Variants in BIRC6 observed in about 807,000 individuals in gnomAD.
The protein encoded by BIRC6 is baculoviral IAP repeat containing 6.
BIRC6 carries 98 observed loss-of-function variants against 503.3 expected under a neutral mutation model. The observed-to-expected ratio is 0.19, with a 90% CI of 0.17 to 0.23. The LOEUF (loss-of-function observed/expected upper bound fraction) is 0.23. BIRC6 is among the 10% of genes least tolerant of loss of function. BIRC6 has a pLI of 1.00. For missense variants in BIRC6, 5,360 were observed against 5,806.0 expected (o/e 0.92, Z 2.50); for synonymous variants, 2,240 against 2,078.7 (o/e 1.08, Z -2.11).
chr2:32,417,568 A>T (rs1269953669), intron 10 of BIRC6, among the ~76,000 whole-genome samples: 1 of 152,176 alleles, frequency 6.6e-6, no homozygotes, highest in Non-Finnish European at 1.5e-5. Flanking sequence ...GGACTAGGAG[A>T]TAGTTGAAGC....
chr2:32,470,323 CT>C, intron 31 of BIRC6, 22 bp downstream of exon 31: 1 of 1,521,136 alleles, frequency 6.6e-7, no homozygotes, highest in Non-Finnish European at 8.8e-7. Context: ...AAGCAGTGTT[CT>C]TTAGTAAAAA....
rs560251664 is a variant in BIRC6, at chr2:32,480,621, C to CTTTTTTTTTTTTTTTTTTTT, written c.7409-681_7409-662dup. On this transcript the variant is annotated intron_variant, in intron 37 of 73. Transcript: ENST00000421745. ...CATAACAGAAAAATAAGGTAAATGG[C>CTTTTTTTTTTTTTTTTTTTT]TTTTTTTTTTTTTTTTTTTTTTTTT... 1.2e-4 allele frequency among the ~76,000 whole-genome samples: 7 copies of CTTTTTTTTTTTTTTTTTTTT among 60,742 alleles called. 1 individual carries two copies. The highest frequency in any genetic ancestry group is 1.5e-4 in the Non-Finnish European group (5 of 34,004). 39.8% of individuals were successfully genotyped at this position (60,742 alleles called of 152,430 possible). A position where few individuals can be genotyped will look rare whatever the true frequency, so the allele number is the denominator to read the frequency against.
At chr2:32,561,453 A>G (rs553345210) in intron 65 of BIRC6, among the ~76,000 whole-genome samples, 1 of 151,796 alleles carries the variant, frequency 6.6e-6, no homozygotes, top group East Asian at 2.0e-4. Flanking sequence ...TTAACCAGGC[A>G]GGTCTGCAAC....
At chr2:32,610,449 A>C (rs953100789) in intron 72 of BIRC6, among the ~76,000 whole-genome samples, 2 of 152,244 alleles carry the variant, frequency 1.3e-5, no homozygotes, top group African/African-American at 4.8e-5. Context: ...ATAAAATCCC[A>C]TCTATAAATT....
At chr2:32,375,924 G>A (rs1472318674) in intron 1 of BIRC6, among the ~76,000 whole-genome samples, 2 of 152,038 alleles carry the variant, frequency 1.3e-5, no homozygotes, top group Non-Finnish European at 2.9e-5. Context: ...AGTGGCTCAC[G>A]CCTATAATCC....
intron 9 of BIRC6, among the ~76,000 whole-genome samples, chr2:32,409,062 A>T (rs1403755817): frequency 3.3e-5 from 5 of 152,208 alleles, no homozygotes; most frequent in Non-Finnish European, 5.9e-5. Flanking sequence ...ATCAGAGCAT[A>T]TCCAATTTGG....
intron 10 of BIRC6, among the ~76,000 whole-genome samples, chr2:32,427,174 C>T (rs2043600339): frequency 2.0e-5 from 3 of 151,986 alleles, no homozygotes; most frequent in African/African-American, 7.2e-5. Context: ...AAGTTTTTGC[C>T]CATTATTTTT....
At chr2:32,587,563 A>G (rs1007263086) in intron 66 of BIRC6, among the ~76,000 whole-genome samples, 1 of 151,990 alleles carries the variant, frequency 6.6e-6, no homozygotes, top group African/African-American at 2.4e-5. Context: ...GTCTCTACTA[A>G]TAATACAAAA....
chr2:32,487,884 A>C, intron 41 of BIRC6, 83 bp downstream of exon 41: 2 of 1,179,784 alleles, frequency 1.7e-6, no homozygotes, highest in Non-Finnish European at 1.2e-6. Context: ...AGTTCATTCT[A>C]ATCCTGTCAG....
chr2:32,422,071 GTC>G (rs1341733648), intron 10 of BIRC6, among the ~76,000 whole-genome samples: 1 of 152,056 alleles, frequency 6.6e-6, no homozygotes, highest in Non-Finnish European at 1.5e-5. Context: ...ATATTCCTCT[GTC>G]TCTATTTTGT....
intron 20 of BIRC6, among the ~76,000 whole-genome samples, chr2:32,445,108 C>A (rs2045817046): frequency 6.6e-6 from 1 of 152,188 alleles, no homozygotes; most frequent in African/African-American, 2.4e-5. Context: ...CTGCCATCCA[C>A]TATTTTTTAA....
intron 53 of BIRC6, among the ~76,000 whole-genome samples, chr2:32,511,626 G>A (rs1159082293): frequency 4.0e-5 from 6 of 151,250 alleles, no homozygotes; most frequent in African/African-American, 1.2e-4. Flanking sequence ...CACCGCACCC[G>A]GCCAACTTGA....
At chr2:32,391,962 T>C in intron 4 of BIRC6, 77 bp from the exon 5 acceptor site, 1 of 971,884 alleles carries the variant, frequency 1.0e-6, no homozygotes, top group South Asian at 1.8e-5. Context: ...AGTAAAATTA[T>C]TTTTTGCATT....
chr2:32,589,467 C>T (rs565727487), intron 66 of BIRC6, among the ~76,000 whole-genome samples: 1 of 152,264 alleles, frequency 6.6e-6, no homozygotes, highest in South Asian at 2.1e-4. Context: ...TAAGCTGGAT[C>T]TTCTAGCACT....
At chr2:32,521,365 C>CA (rs35410265) in intron 57 of BIRC6, among the ~76,000 whole-genome samples, 4,519 of 21,488 alleles carry the variant, frequency 0.21, 1,717 homozygotes, top group East Asian at 0.52. Flanking sequence ...GACCTCATCT[C>CA]AAAAAAAAAA....
chr2:32,491,584 T>A, intron 44 of BIRC6, 26 bp downstream of exon 44: 1 of 1,605,618 alleles, frequency 6.2e-7, no homozygotes, highest in Non-Finnish European at 8.5e-7. Flanking sequence ...GCCTGGCATA[T>A]GCCCAGACTA....
intron 73 of BIRC6, among the ~76,000 whole-genome samples, chr2:32,615,161 A>G (rs1387504483): frequency 2.6e-5 from 4 of 152,136 alleles, no homozygotes; most frequent in Non-Finnish European, 5.9e-5. Context: ...GACAGCACCA[A>G]TCCATGAGGA....
intron 65 of BIRC6, chr2:32,557,655 T>G (rs2058872441): frequency 6.6e-6 from 1 of 152,272 alleles, no homozygotes; most frequent in African/African-American, 2.4e-5. Context: ...TAAATCTTTC[T>G]TGTTAGAGCC....
chr2:32,373,041 C>G (rs1438393486), intron 1 of BIRC6, among the ~76,000 whole-genome samples: 1 of 152,096 alleles, frequency 6.6e-6, no homozygotes, highest in African/African-American at 2.4e-5. Flanking sequence ...TGTGGCTGTA[C>G]CATTTGTATT....
Sources: allele counts gnomAD v4.1 joint callset (sites outside exome capture counted in the v4.1 genomes callset), GRCh38; gene constraint gnomAD v4.1.1; transcripts MANE v1.5; gene names NCBI Gene and HGNC (gene_info 2026-07-23, HGNC 2026-07-21).